The following ZNF487 variants were observed in gnomAD, a reference collection of about 807,000 sequenced individuals.
The protein encoded by ZNF487 is KRAB domain only 1.
Under a neutral mutation model 3.0 loss-of-function variants are expected in ZNF487, and 4 were observed. The observed-to-expected ratio is 1.35, with a 90% CI of 0.66 to 3.08. The LOEUF (loss-of-function observed/expected upper bound fraction) is 3.08, where lower values mean the gene tolerates loss of function less well. Ranked by LOEUF, ZNF487 falls within the 30% of genes most tolerant of loss-of-function variation. The pLI is 0.01. For synonymous variants in ZNF487, 55 were observed against 34.6 expected, an observed-to-expected ratio of 1.59 and a Z score of -2.06; for missense variants, 146 against 98.7, an observed-to-expected ratio of 1.48 and a Z score of -2.03.
At chr10:43,443,675 GT>G (rs200209687) in intron 1 of ZNF487, among the ~76,000 whole-genome samples, 2 of 149,496 alleles carry the variant, frequency 1.3e-5, no homozygotes, top group African/African-American at 2.5e-5. Flanking sequence ...TGCCCGGCCC[GT>G]TTTTTTTGTT....
At chr10:43,463,530 A>T (rs555912881) in intron 1 of ZNF487, among the ~76,000 whole-genome samples, 1 of 151,234 alleles carries the variant, frequency 6.6e-6, no homozygotes, top group African/African-American at 2.4e-5. Flanking sequence ...AGAGTGAAAC[A>T]CTGTCTCGAA....
chr10:43,485,942 ACT>A (rs148732558), downstream of ZNF487, among the ~76,000 whole-genome samples: 1,046 of 152,174 alleles, frequency 6.9e-3, 13 homozygotes, highest in African/African-American at 0.024. Context: ...TCGCAGTTAC[ACT>A]CTCTGGCATT....
chr10:43,496,051 C>T, the ZNF487 span: 1 of 534,362 alleles, frequency 1.9e-6, no homozygotes, highest in Non-Finnish European at 3.8e-6. Context: ...CTGTGGACTT[C>T]ACCCAGGAGG....
rs1841391895 is a variant in ZNF487 at position 43,482,262 on chromosome 10, C to A, written c.*340C>A. ...AATGCCTATAAAATTAATCAGTATG[C>A]TAGTACATTTTGCTGTAAGCCAAAG... On this transcript the variant is annotated 3_prime_UTR_variant, in exon 4 of 4. Coordinates refer to ENST00000437590, the MANE Select transcript of ZNF487 (RefSeq NM_001355444.3). 1 of 402,466 alleles carries A rather than the reference C, an allele frequency of 2.5e-6. No individual in the cohort carries two copies. The highest frequency in any genetic ancestry group is 4.7e-6 in the Non-Finnish European group (1 of 211,978). The allele number at this position is 402,466 out of a possible 1,614,324, so 24.9% of individuals were successfully genotyped here.
At chr10:43,470,573 A>T (rs947457488) in intron 1 of ZNF487, among the ~76,000 whole-genome samples, 2 of 152,010 alleles carry the variant, frequency 1.3e-5, no homozygotes, top group African/African-American at 4.8e-5. Flanking sequence ...TTTAGTAGAG[A>T]TGGGGTTCTC....
At chr10:43,479,599 G>A (rs899569108) in intron 3 of ZNF487, among the ~76,000 whole-genome samples, 1 of 152,016 alleles carries the variant, frequency 6.6e-6, no homozygotes, top group African/African-American at 2.4e-5. Context: ...AAAGAAGCCT[G>A]GAGAAACCTT....
the ZNF487 span, among the ~76,000 whole-genome samples, chr10:43,495,012 A>G: frequency 2.6e-5 from 4 of 151,942 alleles, no homozygotes; most frequent in African/African-American, 9.7e-5. Flanking sequence ...CACAAAAAAG[A>G]AACTTTATAG....
chr10:43,442,814 G>A (rs1265190889), intron 1 of ZNF487, among the ~76,000 whole-genome samples: 1 of 152,128 alleles, frequency 6.6e-6, no homozygotes, highest in African/African-American at 2.4e-5. Context: ...TCTGATATGT[G>A]TTTGTTAGAT....
intron 1 of ZNF487, among the ~76,000 whole-genome samples, chr10:43,455,309 C>T (rs1450106643): frequency 6.6e-6 from 1 of 152,166 alleles, no homozygotes; most frequent in Non-Finnish European, 1.5e-5. Context: ...CGGCGCACGG[C>T]CTAGTTTGCA....
At chr10:43,459,482 G>A (rs1840339758) in intron 1 of ZNF487, among the ~76,000 whole-genome samples, 1 of 152,034 alleles carries the variant, frequency 6.6e-6, no homozygotes, top group African/African-American at 2.4e-5. Context: ...CACCCACCTT[G>A]GACTCCCCAA....
At chr10:43,469,031 G>A (rs569077191) in intron 1 of ZNF487, among the ~76,000 whole-genome samples, 1 of 146,550 alleles carries the variant, frequency 6.8e-6, no homozygotes, top group Non-Finnish European at 1.5e-5. Context: ...GAAAGGAAGA[G>A]TCAATCAGTG....
chr10:43,465,367 C>T (rs968870627), intron 1 of ZNF487, among the ~76,000 whole-genome samples: 1 of 147,226 alleles, frequency 6.8e-6, no homozygotes, highest in African/African-American at 2.5e-5. Context: ...GGCTGCCGGG[C>T]GGAGGGGCTC....
rs149356250 is a variant in ZNF487 at position 43,480,259 on chromosome 10, C to T, written c.131-1170C>T. ...AGTAGCTGGGATTACAGGTGCGCAC[C>T]ACCACACCCAGCTCATTTTTGTATT... On this transcript the variant is annotated intron_variant, in intron 3 of 3. Coordinates refer to ENST00000437590, the MANE Select transcript of ZNF487 (RefSeq NM_001355444.3). Among the ~76,000 whole-genome samples, 916 of 151,234 alleles carry T rather than the reference C, an allele frequency of 6.1e-3. 8 individuals carry two copies. Among genetic ancestry groups the T allele is most frequent in the African/African-American group, 0.018 (724 of 41,160 alleles).
chr10:43,448,210 C>T (rs188050984), intron 1 of ZNF487, among the ~76,000 whole-genome samples: 219 of 151,716 alleles, frequency 1.4e-3, no homozygotes, highest in Non-Finnish European at 2.0e-3. Context: ...AGGATGGTCT[C>T]GATCTCCTGA....
intron 1 of ZNF487, among the ~76,000 whole-genome samples, chr10:43,438,147 A>G (rs1361039688): frequency 1.3e-5 from 2 of 152,126 alleles, no homozygotes; most frequent in African/African-American, 4.8e-5. Context: ...ACTTGAATTT[A>G]GCAGATTAGG....
At chr10:43,437,011 CTAGGCACGCGG>C, upstream of ZNF487, 1 of 386,948 alleles carries the variant, frequency 2.6e-6, no homozygotes, top group Admixed American at 2.9e-5. Context: ...CGAGCCCCCG[CTAGGCACGCGG>C]GAGCAGCAAG....
intron 1 of ZNF487, among the ~76,000 whole-genome samples, chr10:43,471,824 A>G (rs1840919818): frequency 6.6e-6 from 1 of 152,198 alleles, no homozygotes; most frequent in African/African-American, 2.4e-5. Context: ...GTTTGTGAGT[A>G]TGCAAAAAAT....
intron 1 of ZNF487, among the ~76,000 whole-genome samples, chr10:43,471,341 G>T (rs1840902239): frequency 6.6e-6 from 1 of 152,162 alleles, no homozygotes. Flanking sequence ...CAAGGCGAGG[G>T]TGCCCACTAC....
the ZNF487 span, among the ~76,000 whole-genome samples, chr10:43,519,584 C>T: frequency 6.6e-6 from 1 of 151,966 alleles, no homozygotes; most frequent in Admixed American, 6.6e-5. Flanking sequence ...TCTTCTGCCT[C>T]AGCCTCCCAA....
Sources: gnomAD v4.1 joint callset for allele counts (sites outside exome capture counted in the v4.1 genomes callset) on GRCh38, gnomAD v4.1.1 for gene constraint, MANE v1.5 for transcripts, NCBI Gene and HGNC (gene_info 2026-07-23, HGNC 2026-07-21) for gene names.